FAM20C: variants seen among roughly 807,000 people sequenced by gnomAD.
The protein encoded by FAM20C is FAM20C golgi associated secretory pathway kinase, also known as extracellular serine/threonine protein kinase FAM20C.
Under a neutral mutation model 51.5 loss-of-function variants are expected in FAM20C, and 40 were observed. The ratio of observed to expected loss-of-function variants is 0.78; its 90% CI spans 0.60 to 1.01. The LOEUF is 1.01. FAM20C is among the 50% of genes least tolerant of loss of function. The pLI is 0.00. For missense variants in FAM20C, 861 were observed against 844.7 expected (o/e 1.02, Z -0.24); for synonymous variants, 406 against 380.6 (o/e 1.07, Z -0.78).
At chr7:236,075 A>G (rs1787838680) in intron 3 of FAM20C, among the ~76,000 whole-genome samples, 1 of 152,216 alleles carries the variant, frequency 6.6e-6, no homozygotes. Context: ...AGAGGCTGCC[A>G]GGTGACCGCT....
At chr7:259,202 GCCGCC>G (rs1788769705) in intron 9 of FAM20C, among the ~76,000 whole-genome samples, 1 of 148,456 alleles carries the variant, frequency 6.7e-6, no homozygotes, top group African/African-American at 2.6e-5. Flanking sequence ...GGGTGAGTGG[GCCGCC>G]CTCCTCACCT....
chr7:209,204 C>T (rs1363285140), intron 3 of FAM20C, among the ~76,000 whole-genome samples: 1 of 152,190 alleles, frequency 6.6e-6, no homozygotes, highest in African/African-American at 2.4e-5. Flanking sequence ...GACGGAAAAC[C>T]TACTGCTGGT....
intron 1 of FAM20C, among the ~76,000 whole-genome samples, chr7:194,820 A>C (rs571608519): frequency 7.2e-4 from 107 of 148,202 alleles, no homozygotes; most frequent in Non-Finnish European, 1.2e-3. Context: ...CTTCGGCAGA[A>C]AGCACCTCAG....
At chr7:254,180 C>T (rs1331257653) in intron 5 of FAM20C, among the ~76,000 whole-genome samples, 4 of 152,202 alleles carry the variant, frequency 2.6e-5, no homozygotes, top group Non-Finnish European at 5.9e-5. Flanking sequence ...CACCCCGTTT[C>T]CTCTCCGAAC....
In FAM20C at chr7:195,686, C is replaced by T. The variant is rs574668517; in HGVS notation, c.738C>T (p.Ile246=). Residue 246 remains isoleucine, a synonymous_variant, in exon 2 of 10, where the codon ATC becomes ATT. Coordinates refer to ENST00000313766, the MANE Select transcript of FAM20C (RefSeq NM_020223.4). ...TGTACTCCAGACACAACCCGGCCAT[C>T]GAGGCCCTGCTGCACGACCTCAGCT... The part of the protein sequence containing the change: ...YELYSRHNPA[I]EALLHDLSSQ... 44 of 1,610,910 alleles carry T rather than the reference C, an allele frequency of 2.7e-5. No homozygotes were observed. The highest frequency in any genetic ancestry group is 1.7e-4 in the Middle Eastern group (1 of 6,058).
chr7:199,032 C>T (rs548227264), intron 2 of FAM20C, among the ~76,000 whole-genome samples: 2 of 152,364 alleles, frequency 1.3e-5, no homozygotes, highest in Non-Finnish European at 2.9e-5. Flanking sequence ...ATGGGAGCTG[C>T]TCCATGTCCA....
chr7:194,015 C>A, intron 1 of FAM20C: 1 of 742,996 alleles, frequency 1.3e-6, no homozygotes, highest in South Asian at 3.1e-5. Context: ...GGTCCGGGAG[C>A]TGTGCCCTGT....
At chr7:258,363 G>GA (rs1788721705) in intron 8 of FAM20C, among the ~76,000 whole-genome samples, 1 of 73,872 alleles carries the variant, frequency 1.4e-5, no homozygotes, top group African/African-American at 6.7e-5. Flanking sequence ...ACTGCCTGAG[G>GA]TGCTGGAGAT....
chr7:251,069 A>C (rs976885886), intron 5 of FAM20C, among the ~76,000 whole-genome samples: 3 of 152,184 alleles, frequency 2.0e-5, no homozygotes, highest in African/African-American at 4.8e-5. Context: ...TCAGAGCAGC[A>C]TCTCCGGAAC....
At chr7:208,386 T>C (rs1786538978) in intron 2 of FAM20C, among the ~76,000 whole-genome samples, 2 of 133,662 alleles carry the variant, frequency 1.5e-5, no homozygotes, top group East Asian at 2.3e-4. Context: ...TGTATGGGTA[T>C]GTACATGACT....
chr7:231,462 G>A (rs1187304936), intron 3 of FAM20C, among the ~76,000 whole-genome samples: 1 of 151,330 alleles, frequency 6.6e-6, no homozygotes, highest in Non-Finnish European at 1.5e-5. Context: ...GGAGGGTCCC[G>A]GCGTGGAGGA....
chr7:228,646 C>G, intron 3 of FAM20C: 1 of 456,282 alleles, frequency 2.2e-6, no homozygotes, highest in Non-Finnish European at 4.4e-6. Context: ...CAACAAGAAG[C>G]TCAGGTTTGG....
At chr7:237,093 C>G (rs970083646) in intron 3 of FAM20C, among the ~76,000 whole-genome samples, 1 of 152,214 alleles carries the variant, frequency 6.6e-6, no homozygotes, top group African/African-American at 2.4e-5. Flanking sequence ...CTGTGAGGAT[C>G]CCAGAACAGG....
chr7:216,554 T>A (rs1242559795), intron 3 of FAM20C, among the ~76,000 whole-genome samples: 5 of 151,894 alleles, frequency 3.3e-5, no homozygotes, highest in Non-Finnish European at 7.4e-5. Flanking sequence ...GGCCGGGGAA[T>A]CTTTTCTCCA....
At chr7:205,145 C>G (rs931341580) in intron 2 of FAM20C, among the ~76,000 whole-genome samples, 2 of 152,194 alleles carry the variant, frequency 1.3e-5, no homozygotes, top group African/African-American at 4.8e-5. Context: ...CGTCCTGAGC[C>G]CCATTGTTTT....
chr7:220,950 C>T (rs113558297), intron 3 of FAM20C, among the ~76,000 whole-genome samples: 16,490 of 146,450 alleles, frequency 0.11, 434 homozygotes, highest in East Asian at 0.18. Flanking sequence ...CTGCAGGAGC[C>T]GTTCTTAGCA....
chr7:210,180 G>A lies in FAM20C; in HGVS notation c.863+1204G>A, dbSNP rs1404387381. 4.6e-5 allele frequency among the ~76,000 whole-genome samples: 7 copies of A among 152,222 alleles called. No homozygotes were observed. The East Asian group carries it at 7.7e-4, about 17-fold the overall frequency. ...GCTACCAGGGGTGGGATGAACGCAC[G>A]GGAGCTGATCCGCTGCCCCCACGGG... is the stretch of plus-strand genomic sequence containing the variant. On this transcript the variant is annotated intron_variant, in intron 3 of 9. Coordinates refer to ENST00000313766, the MANE Select transcript of FAM20C (RefSeq NM_020223.4).
chr7:248,920 T>G (rs1260248597), intron 5 of FAM20C, among the ~76,000 whole-genome samples: 2 of 152,128 alleles, frequency 1.3e-5, no homozygotes, highest in Non-Finnish European at 2.9e-5. Context: ...TGACTCACAG[T>G]GCTGTTCCCA....
chr7:211,422 C>A (rs1786706842), intron 3 of FAM20C, among the ~76,000 whole-genome samples: 2 of 151,360 alleles, frequency 1.3e-5, no homozygotes, highest in Non-Finnish European at 2.9e-5. Context: ...CCTCTTCCTC[C>A]CCAGGCCTCC....
Sources: gnomAD v4.1 joint callset for allele counts (sites outside exome capture counted in the v4.1 genomes callset) on GRCh38, gnomAD v4.1.1 for gene constraint, MANE v1.5 for transcripts, NCBI Gene and HGNC (gene_info 2026-07-23, HGNC 2026-07-21) for gene names.